DEUP1: variants seen among roughly 807,000 people sequenced by gnomAD.
DEUP1 encodes coiled-coil domain containing 67.
DEUP1 carries 82 observed loss-of-function variants against 87.4 expected under a neutral mutation model. The ratio of observed to expected loss-of-function variants is 0.94; its 90% confidence interval spans 0.78 to 1.13. The LOEUF (loss-of-function observed/expected upper bound fraction) is 1.13, where lower values mean the gene tolerates loss of function less well. Among genes scored for constraint, DEUP1 ranks in the 50% most tolerant of loss-of-function variants. DEUP1 has a pLI of 0.00. For missense variants in DEUP1, 663 were observed against 681.5 expected (o/e 0.97, Z 0.30); for synonymous variants, 214 against 222.7 (o/e 0.96, Z 0.35).
At chr11:93,419,640 G>C (rs187461558) in intron 13 of DEUP1, among the ~76,000 whole-genome samples, 1 of 152,046 alleles carries the variant, frequency 6.6e-6, no homozygotes, top group East Asian at 1.9e-4. Flanking sequence ...CGATCTCAAG[G>C]GGCATTTTAA....
intron 2 of DEUP1, among the ~76,000 whole-genome samples, chr11:93,337,289 C>T (rs1943817506): frequency 6.6e-6 from 1 of 152,146 alleles, no homozygotes; most frequent in Non-Finnish European, 1.5e-5. Flanking sequence ...TTACCAGGTT[C>T]TTGACTTTAT....
chr11:93,330,565 G>A (rs2134841418), upstream of DEUP1: 1 of 152,518 alleles, frequency 6.6e-6, no homozygotes, highest in African/African-American at 2.4e-5. Context: ...TTCGGGCCGC[G>A]ACGTCCCCAT....
intron 7 of DEUP1, among the ~76,000 whole-genome samples, chr11:93,383,770 C>A (rs1039894294): frequency 7.9e-5 from 12 of 152,006 alleles, no homozygotes; most frequent in Admixed American, 7.9e-4. Context: ...AGACCCTTGC[C>A]CTTAGAACCT....
At chr11:93,387,260 G>A (rs1383412309) in intron 8 of DEUP1, among the ~76,000 whole-genome samples, 2 of 152,090 alleles carry the variant, frequency 1.3e-5, no homozygotes, top group Non-Finnish European at 2.9e-5. Flanking sequence ...TATGAATGCT[G>A]TTCTATCAGC....
chr11:93,336,200 C>T (rs1193375024), intron 2 of DEUP1, among the ~76,000 whole-genome samples: 1 of 151,836 alleles, frequency 6.6e-6, no homozygotes, highest in African/African-American at 2.4e-5. Context: ...TGGCAGAAGG[C>T]GAAGAGGAAG....
At chr11:93,406,218 G>A (rs1434883579) in intron 11 of DEUP1, among the ~76,000 whole-genome samples, 1 of 151,856 alleles carries the variant, frequency 6.6e-6, no homozygotes, top group Non-Finnish European at 1.5e-5. Context: ...CACTAAAATT[G>A]AGTGTCTCCT....
intron 1 of DEUP1, among the ~76,000 whole-genome samples, chr11:93,331,183 C>G (rs769340973): frequency 1.2e-4 from 17 of 143,114 alleles, no homozygotes; most frequent in Non-Finnish European, 1.9e-4. Flanking sequence ...ATTCCAGGGT[C>G]TCTCTTAAAA....
At chr11:93,435,763 G>A (rs937195276) in intron 13 of DEUP1, among the ~76,000 whole-genome samples, 4 of 152,194 alleles carry the variant, frequency 2.6e-5, no homozygotes, top group African/African-American at 4.8e-5. Flanking sequence ...TTGGGAGGCC[G>A]AGGAGGGCAG....
intron 7 of DEUP1, among the ~76,000 whole-genome samples, chr11:93,376,704 A>G (rs1315483394): frequency 6.6e-6 from 1 of 151,666 alleles, no homozygotes; most frequent in Non-Finnish European, 1.5e-5. Flanking sequence ...TTGAAGTGTG[A>G]TCTTAGGTTT....
intron 7 of DEUP1, among the ~76,000 whole-genome samples, chr11:93,379,914 A>G (rs186969523): frequency 1.1e-3 from 160 of 152,364 alleles, no homozygotes; most frequent in African/African-American, 3.7e-3. Context: ...ATAGAAGTCA[A>G]TATAATTGTG....
intron 2 of DEUP1, among the ~76,000 whole-genome samples, chr11:93,341,938 G>C (rs1944101253): frequency 6.6e-6 from 1 of 151,978 alleles, no homozygotes. Context: ...GTGACTGCCT[G>C]CATTCCTTGA....
intron 7 of DEUP1, among the ~76,000 whole-genome samples, chr11:93,373,625 G>A (rs1470482086): frequency 0.031 from 2,054 of 66,978 alleles, 38 homozygotes; most frequent in Non-Finnish European, 0.044. Context: ...ATATATATAC[G>A]TATATATATA....
At chr11:93,362,683 A>G (rs746940311) in intron 4 of DEUP1, among the ~76,000 whole-genome samples, 2 of 151,908 alleles carry the variant, frequency 1.3e-5, no homozygotes, top group Admixed American at 1.3e-4. Flanking sequence ...AGATCCAACA[A>G]TTCCACTCCT....
At chr11:93,428,015 C>G (rs1213640225) in intron 13 of DEUP1, among the ~76,000 whole-genome samples, 1 of 151,810 alleles carries the variant, frequency 6.6e-6, no homozygotes, top group Admixed American at 6.6e-5. Flanking sequence ...AACACTTTTA[C>G]ACTGTTGGTG....
At chr11:93,430,976 G>A (rs1391504321) in intron 13 of DEUP1, among the ~76,000 whole-genome samples, 1 of 151,418 alleles carries the variant, frequency 6.6e-6, no homozygotes, top group Non-Finnish European at 1.5e-5. Context: ...CATGCCTGTA[G>A]TCCCAGCTAC....
chr11:93,353,800 A>G (rs1156848379), intron 2 of DEUP1, among the ~76,000 whole-genome samples: 5 of 152,200 alleles, frequency 3.3e-5, no homozygotes, highest in African/African-American at 1.2e-4. Context: ...CAGGGCACCA[A>G]GTCCCTAGGC....
chr11:93,334,921 T>C (rs1019885749), intron 2 of DEUP1, among the ~76,000 whole-genome samples: 140 of 152,322 alleles, frequency 9.2e-4, no homozygotes, highest in East Asian at 3.9e-4. Context: ...TTGTTTTTGT[T>C]TTCTTATTCA....
chr11:93,374,352 C>G (rs1347791574), intron 7 of DEUP1, among the ~76,000 whole-genome samples: 1 of 152,148 alleles, frequency 6.6e-6, no homozygotes, highest in Non-Finnish European at 1.5e-5. Context: ...AAGTCTTTGC[C>G]TATGCCAATG....
At chr11:93,383,138 A>G (rs569889200) in intron 7 of DEUP1, among the ~76,000 whole-genome samples, 2 of 152,380 alleles carry the variant, frequency 1.3e-5, no homozygotes, top group East Asian at 1.9e-4. Context: ...ATAAGAAAGC[A>G]TATGTCCACA....
Sources: gnomAD v4.1 joint callset for allele counts (sites outside exome capture counted in the v4.1 genomes callset) on GRCh38, gnomAD v4.1.1 for gene constraint, MANE v1.5 for transcripts, NCBI Gene and HGNC (gene_info 2026-07-23, HGNC 2026-07-21) for gene names.